The following MYBPC1 variants were observed in gnomAD, a reference collection of about 807,000 sequenced individuals.
The protein encoded by MYBPC1 is myosin-binding protein C, slow-type.
MYBPC1 carries 52 observed loss-of-function variants against 147.1 expected under a neutral mutation model. The observed-to-expected ratio is 0.35, with a 90% CI of 0.28 to 0.45. MYBPC1 has a LOEUF of 0.45. MYBPC1 is among the 20% of genes least tolerant of loss of function. The probability of loss-of-function intolerance (pLI) is 1.00; values close to 1 mark genes in which losing one functional copy is unlikely to be tolerated. For synonymous variants in MYBPC1, 477 were observed against 475.9 expected (o/e 1.00, Z -0.03); for missense variants, 1,228 against 1,440.3 (o/e 0.85, Z 2.39).
intron 3 of MYBPC1, among the ~76,000 whole-genome samples, chr12:101,623,812 G>A (rs1204812302): frequency 2.0e-5 from 3 of 152,120 alleles, no homozygotes; most frequent in Non-Finnish European, 4.4e-5. Context: ...AATATTATGG[G>A]AAAATTGTGA....
chr12:101,640,615 C>T (rs779236720), intron 10 of MYBPC1, among the ~76,000 whole-genome samples: 2 of 152,204 alleles, frequency 1.3e-5, no homozygotes, highest in South Asian at 4.1e-4. Context: ...TGACCTTTCA[C>T]TTCCTTCTAT....
At chr12:101,669,196 A>C (rs578246184) in intron 23 of MYBPC1, among the ~76,000 whole-genome samples, 7 of 152,304 alleles carry the variant, frequency 4.6e-5, no homozygotes, top group Non-Finnish European at 7.3e-5. Context: ...TGTCTGAAGT[A>C]CTTAGGCTGC....
rs374808856 is a variant in MYBPC1 at position 101,631,595 on chromosome 12, A to G, written c.314A>G (p.Lys105Arg). 2 of 1,614,132 alleles carry G rather than the reference A, an allele frequency of 1.2e-6. No homozygotes were observed. The highest frequency in any genetic ancestry group is 2.2e-5 in the South Asian group (2 of 91,072). The change falls in exon 7 of 32, where the codon AAA (lysine) becomes AGA (arginine). Residue 105 changes from lysine (K) to arginine (R), a missense_variant. Physicochemically the swap from Lys to Arg is conservative, Grantham distance 26 (BLOSUM62 2). Around this residue, in one of 2 missense-constraint regions of MYBPC1, gnomAD observed 151 missense variants for 126.1 expected, o/e 1.20. Transcript: ENST00000361466. Reference sequence around the variant, plus strand: ...GGTGAAGATATCACCTTCATAGCCAAAGTCAAGGCTGAAGATCTTCTGAGA... The same window carrying G: ...GGTGAAGATATCACCTTCATAGCCAGAGTCAAGGCTGAAGATCTTCTGAGA... ...KVGEDITFIA[K>R]VKAEDLLRKP...
the MYBPC1 span, among the ~76,000 whole-genome samples, chr12:101,693,982 A>G: frequency 0.023 from 3,493 of 152,238 alleles, 141 homozygotes; most frequent in African/African-American, 0.079. Flanking sequence ...ATGGCCAGCC[A>G]TTTTTGATCA....
intron 30 of MYBPC1, among the ~76,000 whole-genome samples, chr12:101,682,880 C>T (rs1357830306): frequency 1.3e-5 from 2 of 152,122 alleles, no homozygotes; most frequent in Non-Finnish European, 2.9e-5. Context: ...AAGCTACATA[C>T]CATACCACAA....
intron 1 of MYBPC1, among the ~76,000 whole-genome samples, chr12:101,607,874 T>TC (rs1187611825): frequency 6.6e-6 from 1 of 152,188 alleles, no homozygotes; most frequent in Non-Finnish European, 1.5e-5. Flanking sequence ...TTTCTTTTTT[T>TC]CCCCTTTAAG....
chr12:101,620,266 G>A (rs897699734), intron 3 of MYBPC1, among the ~76,000 whole-genome samples: 2 of 152,234 alleles, frequency 1.3e-5, no homozygotes, highest in African/African-American at 4.8e-5. Flanking sequence ...AAATAACGCT[G>A]TCCTGGCTTA....
At position 101,663,550 on chromosome 12, in the gene MYBPC1, C is replaced by T. The variant is rs2136492697; in HGVS notation, c.2346C>T (p.Cys782=). 1.2e-6 allele frequency: 2 copies of T among 1,614,008 alleles called. No individual in the cohort carries two copies. Among genetic ancestry groups the T allele is most frequent in the East Asian group, 2.2e-5 (1 of 44,876 alleles). The change falls in exon 22 of 32, where the codon TGC becomes TGT. Residue 782 remains cysteine, a synonymous_variant. Coordinates refer to ENST00000361466, the MANE Select transcript of MYBPC1 (RefSeq NM_002465.4). ...AGLDGYVLEY[C]FEGTEDWIVA... ...TAGATGGCTATGTGCTAGAGTATTG[C>T]TTTGAAGGAAGTAAGTACAACCAGT...
chr12:101,645,002 T>TA (rs1272736846), intron 12 of MYBPC1, among the ~76,000 whole-genome samples: 3 of 152,218 alleles, frequency 2.0e-5, no homozygotes, highest in Non-Finnish European at 2.9e-5. Context: ...TGTTTAATTC[T>TA]AAAAAACTAT....
rs1037273256 is a variant in MYBPC1 at position 101,649,475 on chromosome 12, G to A, written c.1363+49G>A. 10 of 1,596,354 alleles carry A rather than the reference G, an allele frequency of 6.3e-6. No homozygotes were observed. In the African/African-American group the frequency reaches 1.3e-4, roughly 21 times the overall value. On this transcript the variant is annotated intron_variant, in intron 15 of 31. Coordinates refer to ENST00000361466, the MANE Select transcript of MYBPC1 (RefSeq NM_002465.4). The stretch of plus-strand genomic sequence containing the variant: ...CTTCTCAGTGGGCTTATTAATGATG[G>A]TTGTGTTAATTCGGTTTCAGAAAAG...
intron 3 of MYBPC1, among the ~76,000 whole-genome samples, chr12:101,622,123 A>G (rs825097): frequency 0.49 from 73,847 of 152,006 alleles, 18,576 homozygotes; most frequent in East Asian, 0.66. Flanking sequence ...TGTATTCATC[A>G]TCACCACGTT....
chr12:101,670,697 A>G (rs888660843), intron 24 of MYBPC1, among the ~76,000 whole-genome samples: 4 of 152,194 alleles, frequency 2.6e-5, no homozygotes, highest in Non-Finnish European at 5.9e-5. Context: ...CATCAAGGAG[A>G]TACCAAATGA....
the MYBPC1 span, among the ~76,000 whole-genome samples, chr12:101,691,105 T>C: frequency 6.6e-6 from 1 of 152,142 alleles, no homozygotes. Flanking sequence ...AGGGTCTCAC[T>C]CTGTTGCCCA....
At chr12:101,615,116 T>C (rs1885541413) in intron 2 of MYBPC1, among the ~76,000 whole-genome samples, 1 of 152,196 alleles carries the variant, frequency 6.6e-6, no homozygotes, top group Non-Finnish European at 1.5e-5. Context: ...AGTACAGAGA[T>C]CCAGTGAGAC....
chr12:101,675,518 A>G, intron 26 of MYBPC1, 87 bp downstream of exon 26: 1 of 1,570,092 alleles, frequency 6.4e-7, no homozygotes, highest in South Asian at 1.1e-5. Flanking sequence ...CTCACTGGTA[A>G]GGAGCCAACT....
In MYBPC1 at chr12:101,624,666, A is replaced by G. The variant is rs182186074; in HGVS notation, c.104-2206A>G. Among the ~76,000 whole-genome samples, 101 of 141,702 alleles carry G rather than the reference A, an allele frequency of 7.1e-4. 1 individual carries two copies. The highest frequency in any genetic ancestry group is 6.5e-3 in the South Asian group (28 of 4,324). The allele number at this position is 141,702 out of a possible 152,430, so 93.0% of individuals were successfully genotyped here. A position where few individuals can be genotyped will look rare whatever the true frequency, so the allele number is the denominator to read the frequency against. The stretch of plus-strand genomic sequence containing the variant: ...CAAGTGCTCAGTGTGCAAATAATAT[A>G]CAAGCCCGGCTAATTAATTTTTTTT... On this transcript the variant is annotated intron_variant, in intron 3 of 31. Transcript: ENST00000361466.
intron 7 of MYBPC1, 27 bp downstream of exon 7, chr12:101,631,746 C>G (rs768431119): frequency 6.2e-7 from 1 of 1,613,502 alleles, no homozygotes; most frequent in African/African-American, 1.3e-5. Flanking sequence ...CCAGGACAGG[C>G]GCTCAGCTAG....
chr12:101,605,659 G>A (rs1881854153), intron 1 of MYBPC1, among the ~76,000 whole-genome samples: 1 of 152,140 alleles, frequency 6.6e-6, no homozygotes, highest in Non-Finnish European at 1.5e-5. Flanking sequence ...TCAGGAGTTT[G>A]AGACCAGCCT....
rs375079887 is a variant in MYBPC1, at chr12:101,648,201, AC to A, written c.1196+53del. The A allele has an allele frequency of 1.0e-4, 136 of 1,333,548 alleles. No individual in the cohort carries two copies. The African/African-American group carries it at 1.9e-3, about 19-fold the overall frequency. The allele number at this position is 1,333,548 out of a possible 1,614,324, so 82.6% of individuals were successfully genotyped here. Reference sequence around the variant, plus strand: ...CATGTTTAATAGACAAAAAAATTGGACCTTCATAGTTGATAGAACAGGAAGT... The same window carrying A: ...CATGTTTAATAGACAAAAAAATTGGACTTCATAGTTGATAGAACAGGAAGT... On this transcript the variant is annotated intron_variant, in intron 14 of 31. Transcript: ENST00000361466.
Sources: gnomAD v4.1 joint callset for allele counts (sites outside exome capture counted in the v4.1 genomes callset) on GRCh38, gnomAD v4.1.1 for gene constraint, gnomAD v4.1.1 regional missense constraint, MANE v1.5 for transcripts, NCBI Gene and HGNC (gene_info 2026-07-23, HGNC 2026-07-21) for gene names.